Variants in LYRM4 observed in about 807,000 individuals in gnomAD.
LYRM4 encodes LYR motif-containing protein 4.
LYRM4 carries 9 observed loss-of-function variants against 11.7 expected under a neutral mutation model. The observed-to-expected ratio is 0.77, with a 90% CI of 0.46 to 1.34. The LOEUF (loss-of-function observed/expected upper bound fraction) is 1.34. LYRM4 is among the 40% of genes most tolerant of loss of function. The pLI is 0.00. For synonymous variants in LYRM4, 42 were observed against 40.4 expected, an observed-to-expected ratio of 1.04 and a Z score of -0.15; for missense variants, 133 against 112.5, an observed-to-expected ratio of 1.18 and a Z score of -0.82.
At chr6:5,235,139 C>T (rs2127747807) in intron 1 of LYRM4, among the ~76,000 whole-genome samples, 1 of 152,024 alleles carries the variant, frequency 6.6e-6, no homozygotes, top group South Asian at 2.1e-4. Context: ...GTTAAAACCA[C>T]TGTTGAATTG....
At chr6:5,204,372 T>C (rs1761569577) in intron 2 of LYRM4, among the ~76,000 whole-genome samples, 1 of 152,168 alleles carries the variant, frequency 6.6e-6, no homozygotes, top group South Asian at 2.1e-4. Context: ...GGAGGAGTTT[T>C]AGTCTGAGTG....
chr6:5,108,478 A>C lies in LYRM4; in HGVS notation c.*945T>G, dbSNP rs1014847698. The C allele has an allele frequency of 1.0e-6, 1 of 961,274 alleles. No homozygotes were observed. The highest frequency in any genetic ancestry group is 1.2e-6 in the Non-Finnish European group (1 of 807,756). The allele number at this position is 961,274 out of a possible 1,614,324, so 59.5% of individuals were successfully genotyped here. Reference sequence around the variant, plus strand: ...ATATACTTAAAGAGCAGGGGTCCCCAGTTGGTTAAACATTGAAAACAGTGG... The same window carrying C: ...ATATACTTAAAGAGCAGGGGTCCCCCGTTGGTTAAACATTGAAAACAGTGG... On this transcript the variant is annotated 3_prime_UTR_variant, in exon 3 of 3. Transcript: ENST00000330636.
chr6:5,134,643 G>C (rs58060009), intron 2 of LYRM4, among the ~76,000 whole-genome samples: 3 of 152,274 alleles, frequency 2.0e-5, no homozygotes, highest in Admixed American at 1.3e-4. Flanking sequence ...ATGGGTAGGC[G>C]TAAGGATGAA....
chr6:5,156,051 A>G (rs1040044298), intron 2 of LYRM4, among the ~76,000 whole-genome samples: 2 of 152,226 alleles, frequency 1.3e-5, no homozygotes, highest in African/African-American at 4.8e-5. Flanking sequence ...CATTTTTTCA[A>G]TAGGATGGTA....
At chr6:5,037,009 A>ATTTTTTTTTTTTTTTT in the LYRM4 span, among the ~76,000 whole-genome samples, 2 of 28,724 alleles carry the variant, frequency 7.0e-5, no homozygotes, top group African/African-American at 2.6e-4. Context: ...TTTAGCTTGT[A>ATTTTTTTTTTTTTTTT]TTTTTTTTTT....
At chr6:5,121,415 C>T (rs1361696771) in intron 2 of LYRM4, among the ~76,000 whole-genome samples, 1 of 152,152 alleles carries the variant, frequency 6.6e-6, no homozygotes, top group East Asian at 1.9e-4. Flanking sequence ...AGTTATAAAA[C>T]AGGAGACGGC....
At chr6:5,149,193 G>A (rs960545121) in intron 2 of LYRM4, among the ~76,000 whole-genome samples, 2 of 152,188 alleles carry the variant, frequency 1.3e-5, no homozygotes, top group Non-Finnish European at 2.9e-5. Flanking sequence ...AAAAATAAGT[G>A]AAATAGGCAC....
At chr6:5,070,869 G>GAA in the LYRM4 span, among the ~76,000 whole-genome samples, 95 of 47,972 alleles carry the variant, frequency 2.0e-3, 2 homozygotes, top group African/African-American at 3.4e-3. Flanking sequence ...ACCCTGTCTT[G>GAA]AAAAAAAAAA....
chr6:5,101,968 C>CTTTTTTTTTTTTTTTTTTTTTTTTTTTT (rs397826404), downstream of LYRM4, among the ~76,000 whole-genome samples: 747 of 67,866 alleles, frequency 0.011, 169 homozygotes, highest in Non-Finnish European at 0.016. Context: ...CTAATGCTTT[C>CTTTTTTTTTTTTTTTTTTTTTTTTTTTT]TTTTTTTTTT....
chr6:5,203,939 T>C (rs975755050), intron 2 of LYRM4, among the ~76,000 whole-genome samples: 6 of 152,324 alleles, frequency 3.9e-5, no homozygotes, highest in African/African-American at 1.2e-4. Flanking sequence ...GTTTGAAGTA[T>C]AGATGAGGCT....
chr6:5,155,579 A>G (rs1758363351), intron 2 of LYRM4, among the ~76,000 whole-genome samples: 1 of 152,132 alleles, frequency 6.6e-6, no homozygotes, highest in Non-Finnish European at 1.5e-5. Context: ...TCATGCCAAC[A>G]TTTATATATC....
chr6:5,057,397 AG>A, the LYRM4 span, among the ~76,000 whole-genome samples: 8 of 152,148 alleles, frequency 5.3e-5, no homozygotes, highest in African/African-American at 1.9e-4. Context: ...GAAGACACCA[AG>A]GGACTCTAGC....
At chr6:5,215,622 G>A (rs963398808) in intron 2 of LYRM4, among the ~76,000 whole-genome samples, 1 of 152,188 alleles carries the variant, frequency 6.6e-6, no homozygotes, top group African/African-American at 2.4e-5. Context: ...GCAAATTATA[G>A]TTTCAAATAT....
chr6:5,115,537 C>T (rs1374528150), intron 2 of LYRM4, among the ~76,000 whole-genome samples: 1 of 152,160 alleles, frequency 6.6e-6, no homozygotes, highest in Non-Finnish European at 1.5e-5. Context: ...GTCTATTTCA[C>T]AAAGTCCACC....
chr6:5,187,446 C>A (rs1760473582), intron 2 of LYRM4, among the ~76,000 whole-genome samples: 1 of 152,218 alleles, frequency 6.6e-6, no homozygotes, highest in Non-Finnish European at 1.5e-5. Flanking sequence ...CATGTCCACA[C>A]TGTGGAGTAT....
the LYRM4 span, chr6:5,086,290 C>T: frequency 1.1e-5 from 17 of 1,535,556 alleles, no homozygotes; most frequent in South Asian, 1.9e-4. Context: ...TGAGCTGCAG[C>T]CCGAGCCGCT....
the LYRM4 span, among the ~76,000 whole-genome samples, chr6:5,080,397 T>C: frequency 1.3e-5 from 2 of 152,266 alleles, no homozygotes; most frequent in African/African-American, 4.8e-5. Flanking sequence ...TTGGTCATAC[T>C]GGGATCTGCA....
chr6:5,179,518 C>A (rs773923284), intron 2 of LYRM4, among the ~76,000 whole-genome samples: 1 of 152,168 alleles, frequency 6.6e-6, no homozygotes, highest in African/African-American at 2.4e-5. Context: ...TGGAATAGCA[C>A]AGTATTTGTT....
At chr6:5,147,164 G>A (rs916312146) in intron 2 of LYRM4, among the ~76,000 whole-genome samples, 1 of 152,178 alleles carries the variant, frequency 6.6e-6, no homozygotes, top group African/African-American at 2.4e-5. Flanking sequence ...AAGCTTTGCT[G>A]TGATGTTTGT....
Sources: allele counts gnomAD v4.1 joint callset (sites outside exome capture counted in the v4.1 genomes callset), GRCh38; gene constraint gnomAD v4.1.1; transcripts MANE v1.5; gene names NCBI Gene and HGNC (gene_info 2026-07-23, HGNC 2026-07-21).